The following NR2F1-AS1 variants were observed in gnomAD, a reference collection of about 807,000 sequenced individuals.
NR2F1-AS1 encodes the protein NR2F1 antisense RNA 1.
intron 1 of NR2F1-AS1, among the ~76,000 whole-genome samples, chr5:93,566,823 A>T (rs1402445878): frequency 1.3e-5 from 2 of 152,034 alleles, no homozygotes; most frequent in Non-Finnish European, 2.9e-5. Flanking sequence ...GTTTATACAA[A>T]TGAAAATTAA....
chr5:93,545,668 T>G lies in NR2F1-AS1; in HGVS notation n.638+8093A>C, dbSNP rs570528517. On this transcript the variant is annotated intron_variant and non_coding_transcript_variant, in intron 4 of 5. Transcript: ENST00000660523. ...TTACTGCTGTGCATTTCTTTAAACA[T>G]TAGTCATTTTTTGGCCCAAGCCTGG... Among the ~76,000 whole-genome samples, 4 of 152,368 alleles carry G rather than the reference T, an allele frequency of 2.6e-5. No homozygotes were observed. In the South Asian group the frequency reaches 8.3e-4, roughly 32 times the overall value.
At chr5:93,440,952 T>C (rs917031944) in intron 4 of NR2F1-AS1, among the ~76,000 whole-genome samples, 7 of 152,190 alleles carry the variant, frequency 4.6e-5, no homozygotes, top group African/African-American at 1.4e-4. Flanking sequence ...AAAAACCCAA[T>C]AGGAAAATGT....
chr5:93,489,543 C>T (rs554045829), intron 4 of NR2F1-AS1, among the ~76,000 whole-genome samples: 9 of 151,904 alleles, frequency 5.9e-5, no homozygotes, highest in Admixed American at 6.6e-5. Context: ...TACGGTGGTT[C>T]GGTACCAAAT....
At chr5:93,537,548 GA>G (rs1203512029) in intron 4 of NR2F1-AS1, among the ~76,000 whole-genome samples, 3 of 152,060 alleles carry the variant, frequency 2.0e-5, no homozygotes, top group African/African-American at 7.2e-5. Flanking sequence ...ATAGGTATAT[GA>G]AAAAATGCTC....
At chr5:93,565,725 G>A (rs1752602748) in intron 1 of NR2F1-AS1, among the ~76,000 whole-genome samples, 1 of 151,354 alleles carries the variant, frequency 6.6e-6, no homozygotes, top group African/African-American at 2.4e-5. Flanking sequence ...AACTTTAAAG[G>A]TCAATGAAAA....
chr5:93,449,590 G>A (rs1246457125), intron 4 of NR2F1-AS1, among the ~76,000 whole-genome samples: 1 of 152,012 alleles, frequency 6.6e-6, no homozygotes, highest in Admixed American at 6.6e-5. Flanking sequence ...TATGATTATA[G>A]AAATTAATCA....
intron 4 of NR2F1-AS1, among the ~76,000 whole-genome samples, chr5:93,428,495 T>G (rs1749241144): frequency 6.6e-6 from 1 of 152,214 alleles, no homozygotes; most frequent in Non-Finnish European, 1.5e-5. Flanking sequence ...GATTATCTTA[T>G]TCATAGTAAC....
At chr5:93,573,693 C>G (rs1439462511) in intron 1 of NR2F1-AS1, among the ~76,000 whole-genome samples, 3 of 152,162 alleles carry the variant, frequency 2.0e-5, no homozygotes, top group Admixed American at 6.5e-5. Flanking sequence ...GTTTTGATGA[C>G]AGTGATTTAT....
intron 4 of NR2F1-AS1, among the ~76,000 whole-genome samples, chr5:93,478,752 T>C (rs1750540144): frequency 6.6e-6 from 1 of 152,212 alleles, no homozygotes; most frequent in South Asian, 2.1e-4. Flanking sequence ...CCTGTAGCAT[T>C]CATCTGAAGG....
intron 4 of NR2F1-AS1, among the ~76,000 whole-genome samples, chr5:93,424,257 C>T (rs938095420): frequency 6.6e-6 from 1 of 151,848 alleles, no homozygotes; most frequent in Non-Finnish European, 1.5e-5. Context: ...CCTAGCACAC[C>T]TGTTTTCAAA....
At chr5:93,482,343 AG>A (rs778187444) in intron 4 of NR2F1-AS1, among the ~76,000 whole-genome samples, 5 of 152,116 alleles carry the variant, frequency 3.3e-5, no homozygotes, top group Non-Finnish European at 7.4e-5. Flanking sequence ...AGGAAGTGCA[AG>A]GGGTCGGTGA....
chr5:93,573,218 C>G (rs1440937892), intron 1 of NR2F1-AS1, among the ~76,000 whole-genome samples: 1 of 152,198 alleles, frequency 6.6e-6, no homozygotes, highest in African/African-American at 2.4e-5. Flanking sequence ...GTGAGTTTGG[C>G]TGGCAGTGCT....
At chr5:93,502,252 C>T (rs1188834710) in intron 4 of NR2F1-AS1, among the ~76,000 whole-genome samples, 1 of 152,130 alleles carries the variant, frequency 6.6e-6, no homozygotes, top group Admixed American at 6.6e-5. Flanking sequence ...GCTGAACTTG[C>T]AATATCTCTG....
At chr5:93,535,737 T>A (rs1190724591) in intron 4 of NR2F1-AS1, among the ~76,000 whole-genome samples, 1 of 152,118 alleles carries the variant, frequency 6.6e-6, no homozygotes, top group Non-Finnish European at 1.5e-5. Context: ...ACAAAAACTA[T>A]AAAATCTTTT....
At chr5:93,565,137 C>T (rs1752587809) in intron 1 of NR2F1-AS1, among the ~76,000 whole-genome samples, 1 of 152,110 alleles carries the variant, frequency 6.6e-6, no homozygotes, top group Admixed American at 6.5e-5. Flanking sequence ...AGTTTTATTC[C>T]CTGCCCTGTG....
chr5:93,507,601 G>A (rs1751213208), intron 4 of NR2F1-AS1, among the ~76,000 whole-genome samples: 3 of 152,032 alleles, frequency 2.0e-5, no homozygotes, highest in Admixed American at 2.0e-4. Flanking sequence ...CAGGTGATCA[G>A]CCTGCCTCGG....
intron 4 of NR2F1-AS1, among the ~76,000 whole-genome samples, chr5:93,490,780 G>T (rs919771070): frequency 6.6e-6 from 1 of 151,560 alleles, no homozygotes; most frequent in African/African-American, 2.4e-5. Context: ...GAGAGTGGTG[G>T]TGGTAGTCCT....
chr5:93,528,730 G>GA, intron 4 of NR2F1-AS1, among the ~76,000 whole-genome samples: 1 of 152,154 alleles, frequency 6.6e-6, no homozygotes, highest in East Asian at 1.9e-4. Context: ...TAAAAAGGAT[G>GA]AGTTCATGTC....
chr5:93,572,411 C>T (rs945094184), intron 1 of NR2F1-AS1, among the ~76,000 whole-genome samples: 9 of 152,210 alleles, frequency 5.9e-5, no homozygotes, highest in African/African-American at 2.2e-4. Context: ...CATAGAGGGG[C>T]AGAGCCCAGG....
Sources: allele counts gnomAD v4.1 joint callset (sites outside exome capture counted in the v4.1 genomes callset), GRCh38; gene constraint gnomAD v4.1.1; transcripts MANE v1.5; gene names NCBI Gene and HGNC (gene_info 2026-07-23, HGNC 2026-07-21).